GALNT18: variants seen among roughly 807,000 people sequenced by gnomAD.
GALNT18 encodes the protein polypeptide N-acetylgalactosaminyltransferase 18.
In GALNT18, 44 loss-of-function variants were observed where a neutral mutation model predicts 69.5. The observed-to-expected ratio is 0.63, with a 90% CI of 0.50 to 0.81. The LOEUF is 0.81. GALNT18 is among the 40% of genes least tolerant of loss of function. The pLI is 0.00. For synonymous variants in GALNT18, 364 were observed against 318.2 expected, an observed-to-expected ratio of 1.14 and a Z score of -1.53; for missense variants, 715 against 810.0, an observed-to-expected ratio of 0.88 and a Z score of 1.42.
chr11:11,472,254 A>G (rs1478567126), intron 1 of GALNT18, among the ~76,000 whole-genome samples: 1 of 152,174 alleles, frequency 6.6e-6, no homozygotes, highest in Non-Finnish European at 1.5e-5. Context: ...CCTGGTGCCA[A>G]TGCCTGGCTA....
In GALNT18 at chr11:11,540,927, T is replaced by A. The variant is rs1857904360; in HGVS notation, c.235+80432A>T. Among the ~76,000 whole-genome samples the A allele has an allele frequency of 6.6e-6, 1 of 152,220 alleles. No homozygotes were observed. The highest frequency in any genetic ancestry group is 1.5e-5 in the Non-Finnish European group (1 of 68,034). ...AAATCCTCCCAGCCTATATTAACCCTGTAAACTGCATCCAAATTGCTAAAA... is the reference window on the plus strand; with the variant it reads ...AAATCCTCCCAGCCTATATTAACCCAGTAAACTGCATCCAAATTGCTAAAA... On this transcript the variant is annotated intron_variant, in intron 1 of 10. Transcript: ENST00000227756. The surrounding 1 kb of genome is among the most constrained non-coding windows in gnomAD (Gnocchi z 4.6).
At chr11:11,371,467 C>T (rs2133673914) in intron 6 of GALNT18, among the ~76,000 whole-genome samples, 1 of 152,310 alleles carries the variant, frequency 6.6e-6, no homozygotes, top group Non-Finnish European at 1.5e-5. Context: ...TGGGACCAGA[C>T]AGATGAGGTC....
Position 11,432,736 on chromosome 11 carries a change from G to A in GALNT18, c.480C>T (p.Phe160=), listed in dbSNP as rs1855301833. Reference sequence around the variant, plus strand: ...CTGAAAGCGCTTCATTGACGAAGATGAACACGATGCTCACCTCTGGCAGGC... The same window carrying A: ...CTGAAAGCGCTTCATTGACGAAGATAAACACGATGCTCACCTCTGGCAGGC... ...PDSLPEVSIV[F]IFVNEALSVL... The change falls in exon 3 of 11, where the codon TTC becomes TTT. Residue 160 remains phenylalanine (F), a synonymous_variant. Transcript: ENST00000227756. This position sits in a 1 kb window ranked among gnomAD's most constrained non-coding sequence, Gnocchi z 5.8. 6.2e-7 allele frequency: 1 copy of A among 1,614,112 alleles called. No individual in the cohort carries two copies. The highest frequency in any genetic ancestry group is 8.5e-7 in the Non-Finnish European group (1 of 1,180,018).
chr11:11,378,635 T>C (rs1853833231), intron 4 of GALNT18, among the ~76,000 whole-genome samples: 1 of 152,240 alleles, frequency 6.6e-6, no homozygotes, highest in African/African-American at 2.4e-5. Flanking sequence ...AGGGCACCTG[T>C]GACAACATGG....
rs929492916 is a variant in GALNT18 at position 11,301,808 on chromosome 11, G to A, written c.1513-8615C>T. On this transcript the variant is annotated intron_variant, in intron 9 of 10. Coordinates refer to ENST00000227756, the MANE Select transcript of GALNT18 (RefSeq NM_198516.3). ...GCATTGGGAAAGCAGAGGGAAGAGCGGGAGCCCCTCCCTCAGGGACTATCA... is the reference window on the plus strand; with the variant it reads ...GCATTGGGAAAGCAGAGGGAAGAGCAGGAGCCCCTCCCTCAGGGACTATCA... Among the ~76,000 whole-genome samples the A allele has an allele frequency of 8.5e-5, 13 of 152,188 alleles. No individual in the cohort carries two copies. The East Asian group carries it at 2.5e-3, about 29-fold the overall frequency.
chr11:11,443,469 A>G lies in GALNT18; in HGVS notation c.428+5275T>C, dbSNP rs552382730. 5.3e-5 allele frequency among the ~76,000 whole-genome samples: 8 copies of G among 152,184 alleles called. No homozygotes were observed. The East Asian group carries it at 1.2e-3, about 22-fold the overall frequency. ...GTACGCCTCTGTAGTCCACACCCCAATTGAGACTTGATGTTTCCTTTTCCT... is the reference window on the plus strand; with the variant it reads ...GTACGCCTCTGTAGTCCACACCCCAGTTGAGACTTGATGTTTCCTTTTCCT... On this transcript the variant is annotated intron_variant, in intron 2 of 10. Coordinates refer to ENST00000227756, the MANE Select transcript of GALNT18 (RefSeq NM_198516.3).
intron 6 of GALNT18, among the ~76,000 whole-genome samples, chr11:11,358,525 A>G (rs928956612): frequency 1.4e-5 from 2 of 140,516 alleles, no homozygotes; most frequent in Non-Finnish European, 3.2e-5. Context: ...AATCATTGAA[A>G]TTATTAAAAT....
At chr11:11,345,051 G>A (rs1455168727) in intron 6 of GALNT18, among the ~76,000 whole-genome samples, 1 of 152,128 alleles carries the variant, frequency 6.6e-6, no homozygotes, top group African/African-American at 2.4e-5. Context: ...CACCTTTGGG[G>A]AGCAAACAGG....
intron 1 of GALNT18, among the ~76,000 whole-genome samples, chr11:11,512,171 C>T (rs1174212470): frequency 6.6e-6 from 1 of 152,192 alleles, no homozygotes; most frequent in South Asian, 2.1e-4. Flanking sequence ...TCTGAAACCG[C>T]CTGCCCCCAT....
chr11:11,482,062 C>T (rs1856542710), intron 1 of GALNT18, among the ~76,000 whole-genome samples: 1 of 152,246 alleles, frequency 6.6e-6, no homozygotes, highest in African/African-American at 2.4e-5. Context: ...CCCTACTGGG[C>T]TACGGGCCTC....
intron 10 of GALNT18, among the ~76,000 whole-genome samples, chr11:11,273,111 A>C (rs1031416791): frequency 2.6e-5 from 4 of 152,168 alleles, no homozygotes; most frequent in Non-Finnish European, 5.9e-5. Context: ...ACACTCCAGA[A>C]TGTGGGAAAC....
chr11:11,312,995 G>GA (rs1004151535), intron 9 of GALNT18, among the ~76,000 whole-genome samples: 2 of 152,084 alleles, frequency 1.3e-5, no homozygotes, highest in African/African-American at 4.8e-5. Context: ...CAAGAGCTGT[G>GA]AAAAAATCAG....
intron 3 of GALNT18, among the ~76,000 whole-genome samples, chr11:11,426,215 T>C (rs985834253): frequency 1.3e-5 from 2 of 152,136 alleles, no homozygotes; most frequent in South Asian, 4.1e-4. Context: ...AAAAGAAACT[T>C]ACCTTCTCCT....
chr11:11,486,609 A>G (rs1381139728), intron 1 of GALNT18, among the ~76,000 whole-genome samples: 2 of 152,252 alleles, frequency 1.3e-5, no homozygotes, highest in African/African-American at 4.8e-5. Flanking sequence ...CCATACTGAC[A>G]TTTAACACTC....
chr11:11,310,096 A>T (rs953447922), intron 9 of GALNT18, among the ~76,000 whole-genome samples: 2 of 152,130 alleles, frequency 1.3e-5, no homozygotes, highest in Admixed American at 1.3e-4. Flanking sequence ...AGAAGTCTAC[A>T]CTTGCTGACT....
At chr11:11,369,837 G>A (rs1381558207) in intron 6 of GALNT18, among the ~76,000 whole-genome samples, 1 of 152,108 alleles carries the variant, frequency 6.6e-6, no homozygotes, top group Non-Finnish European at 1.5e-5. Flanking sequence ...GAAATAAGAA[G>A]AAGGCTTTAA....
At chr11:11,295,180 T>C (rs1849374155) in intron 9 of GALNT18, among the ~76,000 whole-genome samples, 1 of 151,986 alleles carries the variant, frequency 6.6e-6, no homozygotes, top group Non-Finnish European at 1.5e-5. Context: ...AGCTCAGAAG[T>C]CTCTTTAGGC....
Position 11,372,181 on chromosome 11 carries a change from C to A in GALNT18, c.1092+334G>T, listed in dbSNP as rs1317691311. On this transcript the variant is annotated intron_variant, in intron 6 of 10. Transcript: ENST00000227756. The surrounding 1 kb of genome is among the most constrained non-coding windows in gnomAD (Gnocchi z 4.9). ...CTGACTCAGGGTCACTCTTGTCCAGCCACTCTCGATGCCTGTTATTGCTTC... is the reference window on the plus strand; with the variant it reads ...CTGACTCAGGGTCACTCTTGTCCAGACACTCTCGATGCCTGTTATTGCTTC... Among the ~76,000 whole-genome samples, 1 of 152,178 alleles carries A rather than the reference C, an allele frequency of 6.6e-6. No individual in the cohort carries two copies. Among genetic ancestry groups the A allele is most frequent in the Non-Finnish European group, 1.5e-5 (1 of 68,024 alleles).
intron 1 of GALNT18, among the ~76,000 whole-genome samples, chr11:11,515,529 C>T (rs4910012): frequency 0.71 from 107,208 of 152,022 alleles, 38,113 homozygotes; most frequent in East Asian, 0.87. Context: ...GTGGGGCTTA[C>T]GTTCTAGTGT....
Sources: gnomAD v4.1 joint callset for allele counts (sites outside exome capture counted in the v4.1 genomes callset) on GRCh38, gnomAD v4.1.1 for gene constraint, Gnocchi (gnomAD v3.1) non-coding constraint, MANE v1.5 for transcripts, NCBI Gene and HGNC (gene_info 2026-07-23, HGNC 2026-07-21) for gene names.